Variants in ARHGAP24 observed in about 807,000 individuals in gnomAD.
ARHGAP24 encodes rho GTPase-activating protein 24.
ARHGAP24 carries 50 observed loss-of-function variants against 76.4 expected under a neutral mutation model. The observed-to-expected ratio is 0.65, with a 90% CI of 0.52 to 0.83. The LOEUF is 0.83. ARHGAP24 is among the 40% of genes least tolerant of loss of function. The probability of loss-of-function intolerance (pLI) is 0.00; values close to 1 mark genes in which losing one functional copy is unlikely to be tolerated. For synonymous variants in ARHGAP24, 345 were observed against 323.3 expected (o/e 1.07, Z -0.72); for missense variants, 930 against 914.2 (o/e 1.02, Z -0.22).
chr4:85,577,155 A>G (rs1727410887), intron 2 of ARHGAP24, among the ~76,000 whole-genome samples: 1 of 150,492 alleles, frequency 6.6e-6, no homozygotes, highest in Admixed American at 6.6e-5. Flanking sequence ...ATATTTATAG[A>G]TTTCTAATGT....
intron 3 of ARHGAP24, among the ~76,000 whole-genome samples, chr4:85,724,550 T>C (rs1218938124): frequency 6.7e-6 from 1 of 150,302 alleles, no homozygotes; most frequent in Non-Finnish European, 1.5e-5. Context: ...TTTTGTTTTA[T>C]TTTTGCTTTT....
intron 5 of ARHGAP24, among the ~76,000 whole-genome samples, chr4:85,966,115 T>C (rs1001469702): frequency 2.0e-5 from 3 of 152,190 alleles, no homozygotes; most frequent in African/African-American, 4.8e-5. Context: ...TGTCTCTGAC[T>C]GGATTCTTGG....
chr4:85,828,060 A>G (rs1328769073), intron 3 of ARHGAP24: 4 of 1,042,660 alleles, frequency 3.8e-6, no homozygotes, highest in East Asian at 5.9e-5. Flanking sequence ...GGGGATATTT[A>G]TATCACCACA....
At chr4:85,824,526 A>AGGTAGC (rs1237922569) in intron 3 of ARHGAP24, among the ~76,000 whole-genome samples, 5 of 152,220 alleles carry the variant, frequency 3.3e-5, no homozygotes, top group Non-Finnish European at 5.9e-5. Flanking sequence ...TTACTGGGCA[A>AGGTAGC]GGTAGCATGA....
intron 9 of ARHGAP24, among the ~76,000 whole-genome samples, chr4:85,997,332 A>C (rs1740722267): frequency 1.3e-5 from 2 of 150,508 alleles, no homozygotes; most frequent in Non-Finnish European, 1.5e-5. Flanking sequence ...TAGATGATAG[A>C]TAGATAGATA....
intron 3 of ARHGAP24, among the ~76,000 whole-genome samples, chr4:85,822,434 A>G (rs536774521): frequency 3.3e-5 from 5 of 152,288 alleles, no homozygotes; most frequent in African/African-American, 1.2e-4. Flanking sequence ...ATTTCTTGTA[A>G]TGCTGAATTA....
intron 5 of ARHGAP24, among the ~76,000 whole-genome samples, chr4:85,969,446 T>G (rs974156083): frequency 2.6e-5 from 4 of 152,062 alleles, no homozygotes; most frequent in African/African-American, 9.7e-5. Context: ...CATAACATAC[T>G]CTGTATATTG....
At chr4:85,708,201 A>T (rs1473634185) in intron 2 of ARHGAP24, among the ~76,000 whole-genome samples, 3 of 152,204 alleles carry the variant, frequency 2.0e-5, no homozygotes, top group Non-Finnish European at 2.9e-5. Context: ...CAATATGTAT[A>T]GTAATATTAG....
chr4:85,912,270 C>T (rs1485354329), intron 3 of ARHGAP24, among the ~76,000 whole-genome samples: 4 of 152,016 alleles, frequency 2.6e-5, no homozygotes, highest in African/African-American at 9.7e-5. Flanking sequence ...TATGAAGCAG[C>T]GTGCCTTTAT....
At chr4:85,987,339 A>G (rs1203275898) in intron 8 of ARHGAP24, among the ~76,000 whole-genome samples, 1 of 152,104 alleles carries the variant, frequency 6.6e-6, no homozygotes, top group Non-Finnish European at 1.5e-5. Context: ...ACTCTGTGCC[A>G]GAACGAAGTC....
chr4:85,728,491 CTGTTA>C (rs1469342461), intron 3 of ARHGAP24, among the ~76,000 whole-genome samples: 1 of 152,098 alleles, frequency 6.6e-6, no homozygotes, highest in Non-Finnish European at 1.5e-5. Context: ...TTGTAATTAT[CTGTTA>C]TACCAATCAG....
chr4:85,780,114 G>T (rs1488831732), intron 3 of ARHGAP24, among the ~76,000 whole-genome samples: 2 of 152,020 alleles, frequency 1.3e-5, no homozygotes. Flanking sequence ...ACATTGCATG[G>T]TATATAAGGC....
chr4:85,649,011 A>AT (rs1553920144), intron 2 of ARHGAP24, among the ~76,000 whole-genome samples: 1 of 147,924 alleles, frequency 6.8e-6, no homozygotes, highest in African/African-American at 2.6e-5. Context: ...ATTTGTAAAT[A>AT]TGTGTGTGTG....
At chr4:85,815,544 C>A (rs540611282) in intron 3 of ARHGAP24, among the ~76,000 whole-genome samples, 2 of 152,328 alleles carry the variant, frequency 1.3e-5, no homozygotes, top group African/African-American at 4.8e-5. Flanking sequence ...CAAGAGTCAC[C>A]TTTGCTCCAG....
chr4:85,633,749 C>T (rs546127733), intron 2 of ARHGAP24, among the ~76,000 whole-genome samples: 62 of 151,872 alleles, frequency 4.1e-4, no homozygotes, highest in Admixed American at 3.9e-4. Flanking sequence ...AAAAGACATA[C>T]TTTTAGGGCA....
At chr4:85,786,572 G>T (rs186447747) in intron 3 of ARHGAP24, among the ~76,000 whole-genome samples, 198 of 152,300 alleles carry the variant, frequency 1.3e-3, no homozygotes, top group African/African-American at 4.5e-3. Context: ...AAATCTTTGT[G>T]TCAGAGATAT....
At chr4:85,814,729 A>G (rs1036915808) in intron 3 of ARHGAP24, among the ~76,000 whole-genome samples, 19 of 152,018 alleles carry the variant, frequency 1.2e-4, no homozygotes, top group Non-Finnish European at 2.4e-4. Flanking sequence ...CTGTCAGTGG[A>G]CCTACCATTC....
intron 1 of ARHGAP24, among the ~76,000 whole-genome samples, chr4:85,560,667 T>C (rs1726558820): frequency 6.6e-6 from 1 of 152,232 alleles, no homozygotes; most frequent in Non-Finnish European, 1.5e-5. Flanking sequence ...GTGCTTCATT[T>C]AATTCCCATT....
chr4:85,790,605 C>T (rs1728074314), intron 3 of ARHGAP24, among the ~76,000 whole-genome samples: 1 of 152,122 alleles, frequency 6.6e-6, no homozygotes, highest in African/African-American at 2.4e-5. Context: ...CAACCACAAG[C>T]ATAAAGACAG....
Sources: gnomAD v4.1 joint callset for allele counts (sites outside exome capture counted in the v4.1 genomes callset) on GRCh38, gnomAD v4.1.1 for gene constraint, MANE v1.5 for transcripts, NCBI Gene and HGNC (gene_info 2026-07-23, HGNC 2026-07-21) for gene names.